The following KCNQ3 variants were observed in gnomAD, a reference collection of about 807,000 sequenced individuals.
The protein encoded by KCNQ3 is potassium voltage-gated channel subfamily KQT member 3.
KCNQ3 carries 30 observed loss-of-function variants against 92.5 expected under a neutral mutation model. The ratio of observed to expected loss-of-function variants is 0.32; its 90% CI spans 0.24 to 0.44. The LOEUF (loss-of-function observed/expected upper bound fraction) is 0.44, where lower values mean the gene tolerates loss of function less well. KCNQ3 is among the 20% of genes least tolerant of loss of function. KCNQ3 has a pLI of 1.00. For synonymous variants in KCNQ3, 450 were observed against 468.8 expected (o/e 0.96, Z 0.52); for missense variants, 913 against 1,140.3 (o/e 0.80, Z 2.87).
At chr8:132,447,745 G>A (rs1276065656) in intron 1 of KCNQ3, among the ~76,000 whole-genome samples, 1 of 152,194 alleles carries the variant, frequency 6.6e-6, no homozygotes, top group African/African-American at 2.4e-5. Context: ...CTCTGGGGAA[G>A]GGGCTGTGGC....
intron 1 of KCNQ3, among the ~76,000 whole-genome samples, chr8:132,424,379 G>T (rs185117754): frequency 6.6e-6 from 1 of 152,150 alleles, no homozygotes; most frequent in Admixed American, 6.5e-5. Context: ...TCTACCTTTG[G>T]TCACTCTGTG....
At chr8:132,227,080 T>C (rs1439475884) in intron 1 of KCNQ3, among the ~76,000 whole-genome samples, 1 of 147,814 alleles carries the variant, frequency 6.8e-6, no homozygotes, top group Admixed American at 6.8e-5. Flanking sequence ...TTTTTTTTTT[T>C]AGATGGAGTC....
chr8:132,277,974 C>A (rs774471524), intron 1 of KCNQ3: 13 of 985,336 alleles, frequency 1.3e-5, no homozygotes, highest in Non-Finnish European at 1.6e-5. Context: ...CTCACCTTCA[C>A]CCCCACAGGA....
intron 1 of KCNQ3, among the ~76,000 whole-genome samples, chr8:132,242,760 A>T (rs543354533): frequency 6.6e-5 from 10 of 152,382 alleles, no homozygotes; most frequent in South Asian, 2.1e-4. Flanking sequence ...TTTTAATCTG[A>T]ATCCCCAGGG....
chr8:132,347,399 C>T (rs908978542), intron 1 of KCNQ3, among the ~76,000 whole-genome samples: 2 of 152,128 alleles, frequency 1.3e-5, no homozygotes, highest in African/African-American at 4.8e-5. Flanking sequence ...TTGCTCTTTG[C>T]TAATGCTCCC....
At position 132,129,669 on chromosome 8, in the gene KCNQ3, C is replaced by T. The variant is rs1824795051; in HGVS notation, c.2212G>A (p.Ala738Thr). The change falls in exon 15 of 15, where the codon GCA (alanine) becomes ACA (threonine). Residue 738 changes from alanine (A) to threonine (T), a missense_variant. By Grantham distance (58) the Ala-to-Thr change is moderately conservative (BLOSUM62 0). Around this residue, in one of 6 missense-constraint regions of KCNQ3, gnomAD observed 375 missense variants for 376.4 expected, o/e 1.00. Transcript: ENST00000388996. This position sits in a 1 kb window ranked among gnomAD's most constrained non-coding sequence, Gnocchi z 5.9. ...GKVQATPPSS[A>T]TTYVERPTVL... ...GTGGGCCTCTCCACATACGTTGTTG[C>T]TGAGGAAGGAGGAGTTGCCTGAACC... 2 of 1,614,050 alleles carry T rather than the reference C, an allele frequency of 1.2e-6. No homozygotes were observed. The highest frequency in any genetic ancestry group is 1.1e-5 in the South Asian group (1 of 91,074).
chr8:132,134,403 CAG>C lies in KCNQ3; in HGVS notation c.1701-17_1701-16del, dbSNP rs1178295183. On this transcript the variant is annotated splice_polypyrimidine_tract_variant and intron_variant, in intron 12 of 14. Transcript: ENST00000388996. ...TCATATCTATTCTGAAAGAAACAAA[CAG>C]AGCAGGGATTAAATTACACAGAGCT... 6 of 1,540,376 alleles carry C rather than the reference CAG, an allele frequency of 3.9e-6. No individual in the cohort carries two copies. In the African/African-American group the frequency reaches 8.2e-5, roughly 21 times the overall value.
chr8:132,467,976 C>T (rs1822212755), intron 1 of KCNQ3, among the ~76,000 whole-genome samples: 1 of 152,198 alleles, frequency 6.6e-6, no homozygotes, highest in South Asian at 2.1e-4. Flanking sequence ...TCAAATGGCC[C>T]TGGGCCTCTG....
Position 132,128,960 on chromosome 8 carries a change from C to T in KCNQ3, c.*302G>A. On this transcript the variant is annotated 3_prime_UTR_variant, in exon 15 of 15. Coordinates refer to ENST00000388996, the MANE Select transcript of KCNQ3 (RefSeq NM_004519.4). ...TAGCATGGCTCATCAGTAATTTCTC[C>T]CTGTACTGGTCCAATCGTGATTAAA... The T allele has an allele frequency of 2.4e-6, 1 of 414,638 alleles. No individual in the cohort carries two copies. Among genetic ancestry groups the T allele is most frequent in the Non-Finnish European group, 4.4e-6 (1 of 226,950 alleles). 25.7% of individuals were successfully genotyped at this position (414,638 alleles called of 1,614,324 possible).
rs1316877906 is a variant in KCNQ3, at chr8:132,480,402, C to T, written c.131G>A (p.Gly44Glu). 1 of 1,535,008 alleles carries T rather than the reference C, an allele frequency of 6.5e-7. No homozygotes were observed. The highest frequency in any genetic ancestry group is 8.7e-7 in the Non-Finnish European group (1 of 1,148,968). ...TTGCTCCACGTCGCCGGGCGCCAGC[C>T]CCACTTTCCGCTCCTCGTCGCCGGC... Reference protein sequence around the residue: ...AAAGDEERKVGLAPGDVEQVT... With the variant: ...AAAGDEERKVELAPGDVEQVT... The change falls in exon 1 of 15, where the codon GGG becomes GAG. Residue 44 changes from glycine to glutamate, a missense_variant. By Grantham distance (98) the Gly-to-Glu change is moderately conservative. Transcript: ENST00000388996.
chr8:132,190,012 T>TCAAC (rs1308246236), intron 1 of KCNQ3, among the ~76,000 whole-genome samples: 1 of 150,634 alleles, frequency 6.6e-6, no homozygotes, highest in Non-Finnish European at 1.5e-5. Context: ...ATGCAAGCCA[T>TCAAC]CAACCACAGC....
intron 1 of KCNQ3, among the ~76,000 whole-genome samples, chr8:132,441,316 C>G (rs1463756137): frequency 6.6e-6 from 1 of 152,156 alleles, no homozygotes; most frequent in African/African-American, 2.4e-5. Context: ...TTTGGGAGGC[C>G]AAGGCAGGTG....
At chr8:132,467,234 C>T (rs1220838986) in intron 1 of KCNQ3, among the ~76,000 whole-genome samples, 1 of 152,058 alleles carries the variant, frequency 6.6e-6, no homozygotes, top group Non-Finnish European at 1.5e-5. Flanking sequence ...GGGCTCTCAG[C>T]CACACCTTAG....
At chr8:132,251,343 A>G (rs901160952) in intron 1 of KCNQ3, among the ~76,000 whole-genome samples, 1 of 152,222 alleles carries the variant, frequency 6.6e-6, no homozygotes, top group Non-Finnish European at 1.5e-5. Context: ...GCAGCATACA[A>G]TGAAGGTCTG....
chr8:132,401,011 C>G (rs1164056679), intron 1 of KCNQ3, among the ~76,000 whole-genome samples: 1 of 152,200 alleles, frequency 6.6e-6, no homozygotes, highest in African/African-American at 2.4e-5. Context: ...GATAAGCAAG[C>G]TGGGAAACCT....
At chr8:132,297,405 A>T (rs1277757580) in intron 1 of KCNQ3, among the ~76,000 whole-genome samples, 1 of 152,052 alleles carries the variant, frequency 6.6e-6, no homozygotes, top group Non-Finnish European at 1.5e-5. Context: ...ATTAGATCCC[A>T]TTTGTCAATT....
chr8:132,248,413 ATTAAAG>A (rs1443371645), intron 1 of KCNQ3, among the ~76,000 whole-genome samples: 2 of 151,814 alleles, frequency 1.3e-5, no homozygotes. Flanking sequence ...TAAATATCCT[ATTAAAG>A]TTAGTTCACC....
chr8:132,320,680 A>G (rs1817870768), intron 1 of KCNQ3, among the ~76,000 whole-genome samples: 1 of 152,160 alleles, frequency 6.6e-6, no homozygotes, highest in Non-Finnish European at 1.5e-5. Context: ...ACATACTGAC[A>G]GCCCCACTTG....
intron 1 of KCNQ3, among the ~76,000 whole-genome samples, chr8:132,457,948 G>T (rs1027879019): frequency 6.6e-6 from 1 of 152,098 alleles, no homozygotes; most frequent in African/African-American, 2.4e-5. Flanking sequence ...GTTGTGAGAG[G>T]GCCACCCTGC....
Sources: allele counts gnomAD v4.1 joint callset (sites outside exome capture counted in the v4.1 genomes callset), GRCh38; gene constraint gnomAD v4.1.1; regional missense constraint gnomAD v4.1.1; non-coding constraint Gnocchi (gnomAD v3.1); transcripts MANE v1.5; gene names NCBI Gene and HGNC (gene_info 2026-07-23, HGNC 2026-07-21).